TMC1: variants seen among roughly 807,000 people sequenced by gnomAD.
TMC1 encodes the protein transmembrane channel like 1, also known as transmembrane channel-like protein 1.
Under a neutral mutation model 105.8 loss-of-function variants are expected in TMC1, and 84 were observed. The ratio of observed to expected loss-of-function variants is 0.79; its 90% CI spans 0.67 to 0.95. TMC1 has a LOEUF of 0.95. Ranked by LOEUF, TMC1 falls within the 40% of genes least tolerant of loss-of-function variation. TMC1 has a pLI of 0.00. For synonymous variants in TMC1, 315 were observed against 311.5 expected, an observed-to-expected ratio of 1.01 and a Z score of -0.12; for missense variants, 817 against 914.1, an observed-to-expected ratio of 0.89 and a Z score of 1.37.
At chr9:72,580,296 G>A (rs1355131445) in intron 2 of TMC1, among the ~76,000 whole-genome samples, 1 of 152,134 alleles carries the variant, frequency 6.6e-6, no homozygotes, top group East Asian at 1.9e-4. Context: ...TTACTCCAAA[G>A]TATTGCCTTA....
In TMC1 at chr9:72,829,308, C is replaced by G. The variant is rs1010362101; in HGVS notation, c.2130-1143C>G. ...TCTAAGCAGAGTTCAGGTTAGTTCT[C>G]TGCAGGCAGTTTCATTCCTTTGGAG... On this transcript the variant is annotated intron_variant, in intron 21 of 23. Transcript: ENST00000297784. Among the ~76,000 whole-genome samples the G allele has an allele frequency of 2.6e-5, 4 of 152,314 alleles. No homozygotes were observed. The East Asian group carries it at 5.8e-4, about 22-fold the overall frequency.
intron 1 of TMC1, among the ~76,000 whole-genome samples, chr9:72,523,649 T>C (rs1823352778): frequency 6.6e-6 from 1 of 151,944 alleles, no homozygotes; most frequent in Non-Finnish European, 1.5e-5. Flanking sequence ...GAGAAGAGAC[T>C]GGCCTTGCTG....
At chr9:72,585,887 G>T (rs368501682) in intron 2 of TMC1, among the ~76,000 whole-genome samples, 1 of 152,138 alleles carries the variant, frequency 6.6e-6, no homozygotes. Context: ...GCACCCTGAG[G>T]CTTGCCAGTA....
In TMC1 at chr9:72,532,265, G is replaced by T. The variant is rs531991990; in HGVS notation, c.-428+10352G>T. ...GATTAAAAATGCTTTACTGGGCTGG[G>T]CATGGCAGCTCACGCCTGTAATCCC... On this transcript the variant is annotated intron_variant, in intron 1 of 23. Coordinates refer to ENST00000297784, the MANE Select transcript of TMC1 (RefSeq NM_138691.3). Among the ~76,000 whole-genome samples, 4 of 152,218 alleles carry T rather than the reference G, an allele frequency of 2.6e-5. 1 individual carries two copies. Among genetic ancestry groups the T allele is most frequent in the Admixed American group, 2.6e-4 (4 of 15,300 alleles).
intron 15 of TMC1, among the ~76,000 whole-genome samples, chr9:72,791,125 G>T (rs1293836334): frequency 6.6e-6 from 1 of 151,838 alleles, no homozygotes; most frequent in Non-Finnish European, 1.5e-5. Context: ...TCATCATAAG[G>T]TTGCCAAACA....
At chr9:72,640,159 A>G (rs1172939359) in intron 4 of TMC1, among the ~76,000 whole-genome samples, 1 of 152,216 alleles carries the variant, frequency 6.6e-6, no homozygotes, top group Non-Finnish European at 1.5e-5. Context: ...TATTGGTACT[A>G]CTAAAGTCTA....
At chr9:72,813,167 C>T (rs535765906) in intron 18 of TMC1, among the ~76,000 whole-genome samples, 17 of 151,964 alleles carry the variant, frequency 1.1e-4, no homozygotes, top group Non-Finnish European at 1.8e-4. Flanking sequence ...TTCTTTTTCC[C>T]TAACCGTTTT....
At chr9:72,650,883 G>GATATATATATAT (rs1288685250) in intron 5 of TMC1, among the ~76,000 whole-genome samples, 14 of 98,406 alleles carry the variant, frequency 1.4e-4, no homozygotes, top group African/African-American at 5.0e-4. Context: ...TATATATATA[G>GATATATATATAT]ATATATAGAT....
At chr9:72,738,738 T>C (rs1827340779) in intron 8 of TMC1, among the ~76,000 whole-genome samples, 1 of 152,132 alleles carries the variant, frequency 6.6e-6, no homozygotes, top group South Asian at 2.1e-4. Context: ...TTTTTAAAAG[T>C]TGACTTTATA....
chr9:72,581,151 G>A (rs1384600175), intron 2 of TMC1, among the ~76,000 whole-genome samples: 1 of 152,140 alleles, frequency 6.6e-6, no homozygotes, highest in Non-Finnish European at 1.5e-5. Context: ...ATAATGATTG[G>A]TGAAAGATTA....
intron 2 of TMC1, among the ~76,000 whole-genome samples, chr9:72,592,253 T>C (rs1485469492): frequency 6.6e-6 from 1 of 152,130 alleles, no homozygotes; most frequent in Non-Finnish European, 1.5e-5. Flanking sequence ...GCTACACATA[T>C]ATTTGAGGGT....
intron 1 of TMC1, among the ~76,000 whole-genome samples, chr9:72,540,727 A>T (rs1041311770): frequency 6.6e-6 from 1 of 152,010 alleles, no homozygotes; most frequent in East Asian, 1.9e-4. Flanking sequence ...AAACCAGGAG[A>T]GCTCATGCAA....
chr9:72,743,664 C>T (rs1166438735), intron 10 of TMC1, among the ~76,000 whole-genome samples: 1 of 151,564 alleles, frequency 6.6e-6, no homozygotes, highest in Non-Finnish European at 1.5e-5. Context: ...CATCCAGGAG[C>T]TTGCTATCTG....
intron 13 of TMC1, among the ~76,000 whole-genome samples, chr9:72,784,387 A>T (rs1381857789): frequency 6.6e-6 from 1 of 151,394 alleles, no homozygotes; most frequent in Non-Finnish European, 1.5e-5. Flanking sequence ...ACTATCTCAC[A>T]CCAGTCAAAA....
At chr9:72,793,332 C>T (rs1051159080) in intron 17 of TMC1, among the ~76,000 whole-genome samples, 3 of 152,132 alleles carry the variant, frequency 2.0e-5, no homozygotes, top group African/African-American at 7.2e-5. Context: ...GGAACTCCAG[C>T]CAGTTACCGG....
In TMC1 at chr9:72,705,541, A is replaced by G. The variant is rs574971636; in HGVS notation, c.362+4898A>G. Among the ~76,000 whole-genome samples the G allele has an allele frequency of 6.6e-5, 10 of 152,346 alleles. No homozygotes were observed. In the South Asian group the frequency reaches 1.7e-3, roughly 25 times the overall value. On this transcript the variant is annotated intron_variant, in intron 8 of 23. Transcript: ENST00000297784. The stretch of plus-strand genomic sequence containing the variant: ...CTACTGGGCCACAATGCCGGCTTCA[A>G]AAACAGACCTATGGTTTCTCTCTTC...
chr9:72,584,432 A>G (rs1305100163), intron 2 of TMC1, among the ~76,000 whole-genome samples: 1 of 151,894 alleles, frequency 6.6e-6, no homozygotes, highest in Non-Finnish European at 1.5e-5. Context: ...TACCCAGATA[A>G]TTTCTTTTAT....
chr9:72,607,615 CAAA>C (rs1156416280), intron 2 of TMC1, among the ~76,000 whole-genome samples: 12 of 55,132 alleles, frequency 2.2e-4, no homozygotes, highest in East Asian at 1.1e-3. Context: ...GAGTCTGCCT[CAAA>C]AAAAAAAAAA....
intron 1 of TMC1, among the ~76,000 whole-genome samples, chr9:72,570,049 G>T (rs1484311854): frequency 6.6e-6 from 1 of 152,122 alleles, no homozygotes; most frequent in African/African-American, 2.4e-5. Context: ...AGGATGAGGA[G>T]CAGATTTCAG....
Sources: gnomAD v4.1 joint callset for allele counts (sites outside exome capture counted in the v4.1 genomes callset) on GRCh38, gnomAD v4.1.1 for gene constraint, MANE v1.5 for transcripts, NCBI Gene and HGNC (gene_info 2026-07-23, HGNC 2026-07-21) for gene names.